Variants in CELF2 observed in about 807,000 individuals in gnomAD.
CELF2 encodes the protein CUG triplet repeat RNA-binding protein 2.
A neutral mutation model predicts 62.6 loss-of-function variants in CELF2; 8 were observed. That is an observed-to-expected ratio of 0.13 (90% confidence interval 0.07 to 0.23). The LOEUF (loss-of-function observed/expected upper bound fraction) is 0.23, where lower values mean the gene tolerates loss of function less well. Ranked by LOEUF, CELF2 falls within the 10% of genes least tolerant of loss-of-function variation. The pLI, the probability that CELF2 is intolerant of heterozygous loss-of-function variation, is 1.00. For synonymous variants in CELF2, 258 were observed against 250.0 expected (o/e 1.03, Z -0.30); for missense variants, 333 against 671.0 (o/e 0.50, Z 5.56).
chr10:10,973,662 G>T (rs1300980438), intron 2 of CELF2, among the ~76,000 whole-genome samples: 1 of 152,164 alleles, frequency 6.6e-6, no homozygotes, highest in Non-Finnish European at 1.5e-5. Flanking sequence ...AACCTCCCAG[G>T]CTTAAGCCAT....
intron 1 of CELF2, among the ~76,000 whole-genome samples, chr10:11,147,391 A>T (rs1331263572): frequency 1.3e-5 from 2 of 152,180 alleles, no homozygotes; most frequent in Admixed American, 1.3e-4. Flanking sequence ...TTTGTTTCTA[A>T]ATATTTAAAG....
chr10:10,580,312 G>C, the CELF2 span, among the ~76,000 whole-genome samples: 2 of 152,100 alleles, frequency 1.3e-5, no homozygotes, highest in Non-Finnish European at 2.9e-5. Flanking sequence ...CTTTGCAAGA[G>C]AGAGTTTATT....
At chr10:10,753,755 C>T in the CELF2 span, among the ~76,000 whole-genome samples, 1 of 152,218 alleles carries the variant, frequency 6.6e-6, no homozygotes, top group Non-Finnish European at 1.5e-5. Context: ...ATGCACCTGA[C>T]TTCACCAATT....
chr10:10,555,355 G>T, the CELF2 span, among the ~76,000 whole-genome samples: 4 of 151,680 alleles, frequency 2.6e-5, no homozygotes, highest in Admixed American at 6.6e-5. Flanking sequence ...AGGTGTGATG[G>T]CTGTTCAGTC....
intron 2 of CELF2, among the ~76,000 whole-genome samples, chr10:10,961,377 A>G (rs1283209967): frequency 6.6e-6 from 1 of 152,212 alleles, no homozygotes; most frequent in East Asian, 1.9e-4. Context: ...AGTGGGTGAT[A>G]TTCTCATCCA....
chr10:10,470,762 C>T, the CELF2 span, among the ~76,000 whole-genome samples: 1 of 151,012 alleles, frequency 6.6e-6, no homozygotes, highest in Non-Finnish European at 1.5e-5. Context: ...GTCCATGCCA[C>T]TAATCACATC....
At chr10:11,118,972 G>A (rs2057156422) in intron 1 of CELF2, among the ~76,000 whole-genome samples, 1 of 152,234 alleles carries the variant, frequency 6.6e-6, no homozygotes, top group African/African-American at 2.4e-5. Context: ...CTCCGATGGT[G>A]ACTTCATCAG....
At chr10:10,868,384 T>G (rs1591368822) in intron 1 of CELF2, among the ~76,000 whole-genome samples, 1 of 152,200 alleles carries the variant, frequency 6.6e-6, no homozygotes, top group South Asian at 2.1e-4. Context: ...CCATGTGATT[T>G]GGGTTTATTA....
the CELF2 span, among the ~76,000 whole-genome samples, chr10:10,469,810 C>A: frequency 2.0e-5 from 3 of 151,736 alleles, no homozygotes; most frequent in African/African-American, 7.3e-5. Flanking sequence ...TAATTAAATA[C>A]TCAATTTTAT....
intron 1 of CELF2, among the ~76,000 whole-genome samples, chr10:11,057,647 T>G (rs1320236221): frequency 6.6e-6 from 1 of 152,132 alleles, no homozygotes. Flanking sequence ...TGTTTTCTCT[T>G]TTTTTCCCCC....
At chr10:10,730,303 C>G in the CELF2 span, among the ~76,000 whole-genome samples, 1 of 152,176 alleles carries the variant, frequency 6.6e-6, no homozygotes, top group East Asian at 1.9e-4. Context: ...ATGGTGAAAC[C>G]CTGTCTCTAC....
At chr10:11,139,412 G>C (rs1465964642) in intron 1 of CELF2, among the ~76,000 whole-genome samples, 2 of 152,120 alleles carry the variant, frequency 1.3e-5, no homozygotes, top group African/African-American at 4.8e-5. Context: ...TTAAAATTCA[G>C]GATTATTTTT....
intron 1 of CELF2, among the ~76,000 whole-genome samples, chr10:10,871,335 A>G (rs1284632486): frequency 6.6e-6 from 1 of 152,218 alleles, no homozygotes; most frequent in African/African-American, 2.4e-5. Flanking sequence ...CTTTAAATTC[A>G]CTAAAAATCT....
intron 2 of CELF2, chr10:10,923,934 G>A (rs577382458): frequency 9.2e-5 from 14 of 152,170 alleles, no homozygotes; most frequent in African/African-American, 2.9e-4. Flanking sequence ...TGTTTTCCCC[G>A]TTACAATCAT....
At chr10:10,860,712 G>A (rs1038798817) in intron 1 of CELF2, among the ~76,000 whole-genome samples, 9 of 152,176 alleles carry the variant, frequency 5.9e-5, no homozygotes, top group African/African-American at 2.2e-4. Flanking sequence ...ACCCAACAAC[G>A]TGGCAGGCAG....
chr10:10,802,117 T>A (rs865938454), intron 1 of CELF2, among the ~76,000 whole-genome samples: 3 of 152,130 alleles, frequency 2.0e-5, no homozygotes, highest in African/African-American at 7.2e-5. Context: ...ATTCAAAAGC[T>A]AAATAAAGTA....
the CELF2 span, among the ~76,000 whole-genome samples, chr10:10,485,017 C>G: frequency 1.3e-5 from 2 of 152,096 alleles, no homozygotes; most frequent in African/African-American, 4.8e-5. Context: ...CTTTCTGATG[C>G]TACCAGGAAT....
chr10:10,774,548 C>T, the CELF2 span, among the ~76,000 whole-genome samples: 5 of 152,154 alleles, frequency 3.3e-5, no homozygotes, highest in East Asian at 1.9e-4. Flanking sequence ...TCCCTGCCCC[C>T]GCTCTCGCTC....
chr10:10,716,214 A>G, the CELF2 span, among the ~76,000 whole-genome samples: 1 of 152,216 alleles, frequency 6.6e-6, no homozygotes. Context: ...CAAATAGTTC[A>G]TGAAAGTTCT....
Sources: gnomAD v4.1 joint callset for allele counts (sites outside exome capture counted in the v4.1 genomes callset) on GRCh38, gnomAD v4.1.1 for gene constraint, MANE v1.5 for transcripts, NCBI Gene and HGNC (gene_info 2026-07-23, HGNC 2026-07-21) for gene names.